Variants in OPCML observed in about 807,000 individuals in gnomAD.
OPCML encodes the protein opioid-binding protein/cell adhesion molecule.
A neutral mutation model predicts 37.8 loss-of-function variants in OPCML; 13 were observed. The ratio of observed to expected loss-of-function variants is 0.34; its 90% CI spans 0.22 to 0.55. The LOEUF is 0.55. OPCML is among the 20% of genes least tolerant of loss of function. The pLI, the probability that OPCML is intolerant of heterozygous loss-of-function variation, is 0.91. For missense variants in OPCML, 341 were observed against 435.6 expected, an observed-to-expected ratio of 0.78 and a Z score of 1.93; for synonymous variants, 176 against 168.8, an observed-to-expected ratio of 1.04 and a Z score of -0.33.
intron 1 of OPCML, among the ~76,000 whole-genome samples, chr11:133,156,574 C>A (rs1950066054): frequency 6.6e-6 from 1 of 152,204 alleles, no homozygotes; most frequent in Non-Finnish European, 1.5e-5. Flanking sequence ...TGCATCACCC[C>A]TTAGTGGAGA....
intron 1 of OPCML, among the ~76,000 whole-genome samples, chr11:133,001,829 A>G (rs1294627113): frequency 2.0e-5 from 3 of 152,204 alleles, no homozygotes; most frequent in South Asian, 4.1e-4. Flanking sequence ...TTGTGCAGCA[A>G]TGGCTGAGAG....
chr11:132,814,739 C>G (rs749866553), intron 2 of OPCML, among the ~76,000 whole-genome samples: 11 of 152,146 alleles, frequency 7.2e-5, no homozygotes, highest in Non-Finnish European at 1.5e-4. Flanking sequence ...TCACACATAG[C>G]CTCATGGAGT....
chr11:132,982,448 C>A (rs1021733800), intron 1 of OPCML, among the ~76,000 whole-genome samples: 2 of 151,530 alleles, frequency 1.3e-5, no homozygotes, highest in African/African-American at 2.4e-5. Flanking sequence ...CTTCATAATT[C>A]CTTCACAATA....
chr11:132,889,662 T>C (rs1305377030), intron 2 of OPCML, among the ~76,000 whole-genome samples: 1 of 152,232 alleles, frequency 6.6e-6, no homozygotes, highest in Non-Finnish European at 1.5e-5. Flanking sequence ...TTGTCATCAG[T>C]ATTTTGTCTT....
rs577330379 is a variant in OPCML, at chr11:133,330,347, A to G, written c.61+201917T>C. ...CATCCTATTACTGGGTGTATACCCA[A>G]AGGATTATAAATCATGCTGCTATAA... On this transcript the variant is annotated intron_variant, in intron 1 of 7. Transcript: ENST00000524381. Among the ~76,000 whole-genome samples, 236 of 152,336 alleles carry G rather than the reference A, an allele frequency of 1.5e-3. 6 individuals are homozygous for G. Among genetic ancestry groups the G allele is most frequent in the Middle Eastern group, 0.014 (4 of 294 alleles).
Position 133,205,651 on chromosome 11 carries a change from A to G in OPCML, c.62-262641T>C, listed in dbSNP as rs1371213079. On this transcript the variant is annotated intron_variant, in intron 1 of 7. Coordinates refer to ENST00000524381, the MANE Select transcript of OPCML (RefSeq NM_001012393.5). This position sits in a 1 kb window ranked among gnomAD's most constrained non-coding sequence, Gnocchi z 4.8. Reference sequence around the variant, plus strand: ...GTGTGTGGGGAAAAATTTCTCACTCATCTGATGTCAGAAGTGTTGCGTTGC... The same window carrying G: ...GTGTGTGGGGAAAAATTTCTCACTCGTCTGATGTCAGAAGTGTTGCGTTGC... Among the ~76,000 whole-genome samples, 1 of 152,312 alleles carries G rather than the reference A, an allele frequency of 6.6e-6. No homozygotes were observed. The highest frequency in any genetic ancestry group is 1.5e-5 in the Non-Finnish European group (1 of 68,020).
At chr11:133,021,504 G>A (rs768201324) in intron 1 of OPCML, among the ~76,000 whole-genome samples, 16 of 152,050 alleles carry the variant, frequency 1.1e-4, no homozygotes, top group Non-Finnish European at 2.9e-5. Context: ...CTTTCTCAAC[G>A]GCAATGAGCT....
intron 1 of OPCML, among the ~76,000 whole-genome samples, chr11:132,963,234 C>A (rs73028275): frequency 0.025 from 3,791 of 152,050 alleles, 57 homozygotes; most frequent in Non-Finnish European, 0.038. Context: ...AACTCATGGC[C>A]CTCAGGTTCT....
chr11:132,833,150 G>A (rs1405294026), intron 2 of OPCML, among the ~76,000 whole-genome samples: 4 of 147,858 alleles, frequency 2.7e-5, no homozygotes, highest in Non-Finnish European at 4.5e-5. Context: ...AATATATATA[G>A]TTTAATTTTT....
intron 3 of OPCML, among the ~76,000 whole-genome samples, chr11:132,622,362 A>G (rs934325803): frequency 7.9e-5 from 12 of 152,170 alleles, no homozygotes; most frequent in Non-Finnish European, 1.5e-5. Flanking sequence ...AAAAGAGGAG[A>G]GAGAAGCGTG....
intron 1 of OPCML, among the ~76,000 whole-genome samples, chr11:133,379,168 C>G (rs1385598437): frequency 5.9e-5 from 9 of 152,222 alleles, no homozygotes; most frequent in Admixed American, 5.9e-4. Context: ...ATTTTTCAAA[C>G]TAGCCATTCA....
intron 2 of OPCML, among the ~76,000 whole-genome samples, chr11:132,719,715 T>C (rs982534056): frequency 6.6e-6 from 1 of 152,182 alleles, no homozygotes; most frequent in Non-Finnish European, 1.5e-5. Flanking sequence ...AATCCCTTTA[T>C]ATTGAAATAA....
Position 132,774,793 on chromosome 11 carries a change from C to A in OPCML, c.147-117474G>T, listed in dbSNP as rs147322291. ...TTTTCTGTGCCTCCAGGACTGGGGT[C>A]ATCATCAGGGCTGTGCATACAGTAG... On this transcript the variant is annotated intron_variant, in intron 2 of 7. Transcript: ENST00000524381. Among the ~76,000 whole-genome samples the A allele has an allele frequency of 1.1e-4, 17 of 152,304 alleles. No individual in the cohort carries two copies. The East Asian group carries it at 3.3e-3, about 29-fold the overall frequency.
intron 2 of OPCML, among the ~76,000 whole-genome samples, chr11:132,837,136 G>A (rs1393445106): frequency 6.6e-6 from 1 of 152,072 alleles, no homozygotes; most frequent in Non-Finnish European, 1.5e-5. Context: ...CCAACATGGA[G>A]AAACCCCGTC....
chr11:132,934,923 T>G (rs1945321684), intron 2 of OPCML, among the ~76,000 whole-genome samples: 2 of 152,072 alleles, frequency 1.3e-5, no homozygotes, highest in African/African-American at 4.8e-5. Context: ...GGGGAACACC[T>G]GTGGTAGGGA....
At chr11:133,119,252 T>G (rs1195292076) in intron 1 of OPCML, among the ~76,000 whole-genome samples, 1 of 151,946 alleles carries the variant, frequency 6.6e-6, no homozygotes, top group Non-Finnish European at 1.5e-5. Flanking sequence ...ATTCTCATGG[T>G]CCTTTGCTCA....
chr11:133,481,069 T>G (rs1466537263), intron 1 of OPCML, among the ~76,000 whole-genome samples: 6 of 152,248 alleles, frequency 3.9e-5, no homozygotes, highest in Admixed American at 2.0e-4. Flanking sequence ...CTGAAGAGAT[T>G]ACTTAGATGA....
At chr11:132,619,713 G>C (rs1341297144) in intron 3 of OPCML, among the ~76,000 whole-genome samples, 1 of 151,062 alleles carries the variant, frequency 6.6e-6, no homozygotes, top group African/African-American at 2.4e-5. Flanking sequence ...TTAGCCGGGC[G>C]TGGTGGCGGG....
intron 2 of OPCML, among the ~76,000 whole-genome samples, chr11:132,901,934 C>T (rs549355011): frequency 5.5e-4 from 84 of 152,264 alleles, no homozygotes; most frequent in South Asian, 2.3e-3. Context: ...CTACTGAATC[C>T]TTTTGGAATA....
Sources: gnomAD v4.1 joint callset for allele counts (sites outside exome capture counted in the v4.1 genomes callset) on GRCh38, gnomAD v4.1.1 for gene constraint, Gnocchi (gnomAD v3.1) non-coding constraint, MANE v1.5 for transcripts, NCBI Gene and HGNC (gene_info 2026-07-23, HGNC 2026-07-21) for gene names.